ANK1: variants seen among roughly 807,000 people sequenced by gnomAD.
The protein encoded by ANK1 is ankyrin 1, also known as ankyrin-1.
ANK1 carries 51 observed loss-of-function variants against 210.4 expected under a neutral mutation model. That is an observed-to-expected ratio of 0.24 (90% CI 0.19 to 0.31). The LOEUF (loss-of-function observed/expected upper bound fraction) is 0.31, where lower values mean the gene tolerates loss of function less well. ANK1 is among the 10% of genes least tolerant of loss of function. ANK1 has a pLI of 1.00. For missense variants in ANK1, 2,051 were observed against 2,504.4 expected (o/e 0.82, Z 3.86); for synonymous variants, 967 against 1,025.9 (o/e 0.94, Z 1.10).
intron 1 of ANK1, chr8:41,829,125 G>A (rs1401635399): frequency 1.3e-5 from 2 of 152,312 alleles, no homozygotes; most frequent in South Asian, 4.1e-4. Flanking sequence ...CTCCCTACGG[G>A]GACGGGGGCC....
In ANK1 at chr8:41,718,180, C is replaced by T. The variant is rs768282536; in HGVS notation, c.1132G>A (p.Ala378Thr). Residue 378 changes from alanine to threonine, a missense_variant, in exon 11 of 43, where the codon GCC becomes ACC. This residue lies in a region of ANK1 where 1,413 missense variants were observed against 1,707.4 expected (regional missense o/e 0.83). Coordinates refer to ENST00000289734, the MANE Select transcript of ANK1 (RefSeq NM_000037.4). ...ACACGGACGTGGTTCTTTTTGCAGG[C>T]GATGTGTAAGGGGGTAAAGCCATTC... ...ALNGFTPLHI[A>T]CKKNHVRVME... 29 of 1,613,892 alleles carry T rather than the reference C, an allele frequency of 1.8e-5. No homozygotes were observed. The highest frequency in any genetic ancestry group is 2.2e-5 in the East Asian group (1 of 44,866).
intron 1 of ANK1, chr8:41,803,229 C>T (rs963007287): frequency 6.6e-6 from 1 of 151,794 alleles, no homozygotes; most frequent in Admixed American, 6.6e-5. Flanking sequence ...TGGTCCTTTG[C>T]CCTCTTGTTT....
chr8:41,743,735 G>C (rs962685197), intron 2 of ANK1, among the ~76,000 whole-genome samples: 1 of 152,206 alleles, frequency 6.6e-6, no homozygotes, highest in Non-Finnish European at 1.5e-5. Context: ...ACAAACATGG[G>C]GAGAGGAAAG....
At position 41,689,056 on chromosome 8, in the gene ANK1, TA is replaced by T. The variant is rs539395344; in HGVS notation, c.4105-468del. Among the ~76,000 whole-genome samples the T allele has an allele frequency of 1.6e-4, 24 of 152,312 alleles. 1 individual carries two copies. The South Asian group carries it at 3.3e-3, about 21-fold the overall frequency. On this transcript the variant is annotated intron_variant, in intron 33 of 42. Coordinates refer to ENST00000289734, the MANE Select transcript of ANK1 (RefSeq NM_000037.4). ...CCGTTTCTGTACTGCCTTAAGGCCT[TA>T]ACATCACAGCCCTGTGGAAAAGCAT...
chr8:41,763,248 A>G (rs1454827782), intron 1 of ANK1, among the ~76,000 whole-genome samples: 1 of 152,028 alleles, frequency 6.6e-6, no homozygotes, highest in African/African-American at 2.4e-5. Context: ...AGACAAGCAC[A>G]TAAATAGAGG....
At chr8:41,819,116 A>G (rs1803789319) in intron 1 of ANK1, among the ~76,000 whole-genome samples, 1 of 152,198 alleles carries the variant, frequency 6.6e-6, no homozygotes, top group Non-Finnish European at 1.5e-5. Flanking sequence ...AACTGTAAAA[A>G]CAGCAACCCT....
chr8:41,800,685 C>T (rs1849723678), upstream of ANK1, among the ~76,000 whole-genome samples: 1 of 152,060 alleles, frequency 6.6e-6, no homozygotes, highest in Non-Finnish European at 1.5e-5. Flanking sequence ...TTTATCATCC[C>T]TTGTTTCTCT....
At chr8:41,827,692 TCA>T (rs10558531) in intron 1 of ANK1, among the ~76,000 whole-genome samples, 6 of 108,528 alleles carry the variant, frequency 5.5e-5, no homozygotes, top group East Asian at 2.6e-4. Context: ...ATATACACAC[TCA>T]CACACACTCA....
At position 41,719,823 on chromosome 8, in the gene ANK1, T is replaced by A; in HGVS notation, c.945A>T (p.Gly315=). The A allele has an allele frequency of 1.2e-6, 2 of 1,614,210 alleles. No homozygotes were observed. The highest frequency in any genetic ancestry group is 2.2e-5 in the South Asian group (2 of 91,084). ...GLSPIHMAAQ[G]DHLDCVRLLL... ...GGAGCCGGACACAGTCGAGGTGGTC[T>A]CCCTGAGCCGCCATGTGAATTGGGG... Residue 315 remains glycine, a synonymous_variant, in exon 10 of 43, where the codon GGA becomes GGT. Coordinates refer to ENST00000289734, the MANE Select transcript of ANK1 (RefSeq NM_000037.4).
intron 1 of ANK1, among the ~76,000 whole-genome samples, chr8:41,773,260 A>G (rs1032748155): frequency 6.6e-6 from 1 of 152,126 alleles, no homozygotes; most frequent in African/African-American, 2.4e-5. Context: ...CAGAGCCCGG[A>G]TCAGGCCCCA....
chr8:41,886,104 A>AT (rs1349055344), intron 1 of ANK1, among the ~76,000 whole-genome samples: 1 of 152,226 alleles, frequency 6.6e-6, no homozygotes, highest in Admixed American at 6.5e-5. Flanking sequence ...CAAGGCCCAC[A>AT]TTTTTTAAGT....
chr8:41,896,084 G>T (rs990960348), intron 1 of ANK1, among the ~76,000 whole-genome samples: 8 of 152,348 alleles, frequency 5.3e-5, no homozygotes, highest in African/African-American at 1.7e-4. Context: ...GTGCTGAAAG[G>T]TCTCTGCGGG....
At position 41,692,992 on chromosome 8, in the gene ANK1, C is replaced by T. The variant is rs190040350; in HGVS notation, c.3629+113G>A. The T allele has an allele frequency of 1.3e-3, 1,919 of 1,514,822 alleles. 28 individuals are homozygous for T. The East Asian group carries it at 0.028, about 22-fold the overall frequency. 93.8% of individuals were successfully genotyped at this position (1,514,822 alleles called of 1,614,324 possible). On this transcript the variant is annotated intron_variant, in intron 30 of 42. Transcript: ENST00000289734. ...GCTACTATTGCCACACCTGTGGTCA[C>T]GGAGGCTTCCACATGGAGGGGACAG...
At chr8:41,717,253 G>T (rs547466591) in intron 12 of ANK1, among the ~76,000 whole-genome samples, 2 of 152,354 alleles carry the variant, frequency 1.3e-5, no homozygotes, top group Admixed American at 6.5e-5. Context: ...GTGCACATAC[G>T]TGCAGGTGCA....
chr8:41,721,860 G>A (rs912363977), intron 9 of ANK1, among the ~76,000 whole-genome samples: 3 of 152,112 alleles, frequency 2.0e-5, no homozygotes, highest in Admixed American at 6.6e-5. Context: ...CAATTGAAAA[G>A]TCACATATTC....
chr8:41,704,236 T>A lies in ANK1; in HGVS notation c.2197-97A>T. On this transcript the variant is annotated intron_variant, in intron 19 of 42. Transcript: ENST00000289734. The surrounding 1 kb of genome is among the most constrained non-coding windows in gnomAD (Gnocchi z 4.1). ...CCTGCCCATCTTCGAAGTGGGACATTAATGAAATGCATTTTCCCCCTTTCT... is the reference window on the plus strand; with the variant it reads ...CCTGCCCATCTTCGAAGTGGGACATAAATGAAATGCATTTTCCCCCTTTCT... 1 of 1,367,112 alleles carries A rather than the reference T, an allele frequency of 7.3e-7. No individual in the cohort carries two copies. The highest frequency in any genetic ancestry group is 1.0e-6 in the Non-Finnish European group (1 of 957,876). 84.7% of individuals were successfully genotyped at this position (1,367,112 alleles called of 1,614,324 possible).
intron 1 of ANK1, among the ~76,000 whole-genome samples, chr8:41,766,474 A>T (rs1330207106): frequency 1.3e-5 from 2 of 152,252 alleles, no homozygotes; most frequent in Non-Finnish European, 2.9e-5. Context: ...TGGCAAAAAT[A>T]AAATGAATAA....
chr8:41,893,741 T>G (rs1264039566), intron 1 of ANK1, among the ~76,000 whole-genome samples: 1 of 152,200 alleles, frequency 6.6e-6, no homozygotes, highest in Admixed American at 6.5e-5. Context: ...TTTGTCTGCA[T>G]GTATGGAATT....
intron 1 of ANK1, among the ~76,000 whole-genome samples, chr8:41,864,341 A>G (rs1813900890): frequency 6.6e-6 from 1 of 151,980 alleles, no homozygotes; most frequent in South Asian, 2.1e-4. Flanking sequence ...TGAAAACTCT[A>G]TAAGAATGTT....
Sources: gnomAD v4.1 joint callset for allele counts (sites outside exome capture counted in the v4.1 genomes callset) on GRCh38, gnomAD v4.1.1 for gene constraint, gnomAD v4.1.1 regional missense constraint, Gnocchi (gnomAD v3.1) non-coding constraint, MANE v1.5 for transcripts, NCBI Gene and HGNC (gene_info 2026-07-23, HGNC 2026-07-21) for gene names.